CEP20: variants seen among roughly 807,000 people sequenced by gnomAD.
The protein encoded by CEP20 is FGFR1OP N-terminal like.
In CEP20, 18 loss-of-function variants were observed where a neutral mutation model predicts 20.0. The ratio of observed to expected loss-of-function variants is 0.90; its 90% CI spans 0.62 to 1.34. CEP20 has a LOEUF of 1.34. Ranked by LOEUF, CEP20 falls within the 40% of genes most tolerant of loss-of-function variation. The probability of loss-of-function intolerance (pLI) is 0.00; values close to 1 mark genes in which losing one functional copy is unlikely to be tolerated. For synonymous variants in CEP20, 77 were observed against 73.7 expected (o/e 1.04, Z -0.23); for missense variants, 215 against 201.6 (o/e 1.07, Z -0.40).
chr16:15,878,407 CA>C (rs1313779041), intron 3 of CEP20, among the ~76,000 whole-genome samples: 1 of 151,944 alleles, frequency 6.6e-6, no homozygotes, highest in Non-Finnish European at 1.5e-5. Context: ...GATCCTGGAA[CA>C]TTAATTTTAC....
intron 1 of CEP20, chr16:15,885,079 G>C (rs2045207527): frequency 6.6e-6 from 1 of 151,972 alleles, no homozygotes; most frequent in African/African-American, 2.4e-5. Context: ...GCTCAGGCGG[G>C]CGGATCACGA....
intron 3 of CEP20, among the ~76,000 whole-genome samples, chr16:15,876,327 T>C (rs1194793870): frequency 5.9e-5 from 9 of 151,816 alleles, no homozygotes; most frequent in Admixed American, 5.3e-4. Context: ...TACAAAAAAT[T>C]AGCCAGGCGT....
chr16:15,884,201 T>TA lies in CEP20; in HGVS notation c.32dup (p.Leu11PhefsTer21). On this transcript the variant is annotated frameshift_variant, in exon 2 of 5. Transcript: ENST00000255759. LOFTEE classifies it high-confidence loss of function. ...CCCCCTTTTTTTCCAAGGTGTCCTTTAAAACTGTTCGATATAAAATATTAA... is the reference window on the plus strand; with the variant it reads ...CCCCCTTTTTTTCCAAGGTGTCCTTTAAAAACTGTTCGATATAAAATATTAA... 1 of 1,602,802 alleles carries TA rather than the reference T, an allele frequency of 6.2e-7. No homozygotes were observed. The highest frequency in any genetic ancestry group is 8.5e-7 in the Non-Finnish European group (1 of 1,172,246).
At chr16:15,881,423 A>G (rs949535607) in intron 2 of CEP20, among the ~76,000 whole-genome samples, 7 of 152,222 alleles carry the variant, frequency 4.6e-5, no homozygotes, top group African/African-American at 1.4e-4. Flanking sequence ...AAAGATCCTT[A>G]AACCATAAAA....
At chr16:15,869,240 C>T (rs2044754949) in intron 4 of CEP20, among the ~76,000 whole-genome samples, 1 of 151,130 alleles carries the variant, frequency 6.6e-6, no homozygotes, top group Admixed American at 6.6e-5. Flanking sequence ...CATTTTTTTT[C>T]AGCACTGAAA....
chr16:15,867,422 G>T lies in CEP20; in HGVS notation c.*18C>A. 1 of 1,556,648 alleles carries T rather than the reference G, an allele frequency of 6.4e-7. No individual in the cohort carries two copies. The highest frequency in any genetic ancestry group is 8.7e-7 in the Non-Finnish European group (1 of 1,146,448). On this transcript the variant is annotated 3_prime_UTR_variant, in exon 5 of 5. Transcript: ENST00000255759. ...TTAATAATACAATTTTAAGACAAAA[G>T]ATACCCCAAACAAAGCATTATCTGT...
chr16:15,872,300 C>T (rs1029287842), intron 4 of CEP20, among the ~76,000 whole-genome samples: 3 of 150,038 alleles, frequency 2.0e-5, no homozygotes, highest in Non-Finnish European at 3.0e-5. Context: ...GGCGACAGAG[C>T]GAGACTCTGT....
At chr16:15,882,741 A>G (rs1567241600) in intron 2 of CEP20, among the ~76,000 whole-genome samples, 1 of 116,638 alleles carries the variant, frequency 8.6e-6, no homozygotes, top group African/African-American at 3.2e-5. Flanking sequence ...ATATCTATCT[A>G]TCTATCTATC....
At chr16:15,883,064 AG>A (rs1183858730) in intron 2 of CEP20, 1 of 150,086 alleles carries the variant, frequency 6.7e-6, no homozygotes, top group Non-Finnish European at 1.5e-5. Context: ...AAAAAAAGAA[AG>A]AAAAAAAAGA....
intron 1 of CEP20, 44 bp from the exon 2 acceptor site, chr16:15,884,249 T>C: frequency 6.4e-7 from 1 of 1,552,698 alleles, no homozygotes; most frequent in Non-Finnish European, 8.8e-7. Flanking sequence ...AGAGTAAATT[T>C]GTCATTCTTA....
chr16:15,874,859 T>G (rs1261838213), intron 3 of CEP20, among the ~76,000 whole-genome samples: 1 of 152,160 alleles, frequency 6.6e-6, no homozygotes, highest in African/African-American at 2.4e-5. Flanking sequence ...CTCCTTGCTT[T>G]CTCTCTTGGA....
At chr16:15,882,261 A>G (rs1287730276) in intron 2 of CEP20, among the ~76,000 whole-genome samples, 7 of 152,104 alleles carry the variant, frequency 4.6e-5, no homozygotes, top group Non-Finnish European at 8.8e-5. Flanking sequence ...CTTTTCTTCA[A>G]CCGGGTGCGG....
chr16:15,888,484 T>C, intron 1 of CEP20, 74 bp downstream of exon 1: 1 of 1,597,732 alleles, frequency 6.3e-7, no homozygotes, highest in Non-Finnish European at 8.6e-7. Flanking sequence ...CCGCGCGCTC[T>C]CCTCCCATCC....
Position 15,888,569 on chromosome 16 carries a change from T to G in CEP20, c.17A>C (p.Glu6Ala), listed in dbSNP as rs377297363. 1 of 1,614,126 alleles carries G rather than the reference T, an allele frequency of 6.2e-7. No individual in the cohort carries two copies. Among genetic ancestry groups the G allele is most frequent in the East Asian group, 2.2e-5 (1 of 44,862 alleles). ...CTGCTCGCACTCACCAGCCTTCAAC[T>G]CTGCCACAGTCGCCATTTTTCAACG... Reference protein sequence around the residue: MATVAELKAVLKDTLE... With the variant: MATVAALKAVLKDTLE... The change falls in exon 1 of 5, where the codon GAG becomes GCG. Residue 6 changes from glutamate (E) to alanine (A), a missense_variant. Physicochemically the swap from Glu to Ala is moderately radical, Grantham distance 107. Transcript: ENST00000255759.
intron 2 of CEP20, among the ~76,000 whole-genome samples, chr16:15,883,304 A>T (rs2045155882): frequency 6.6e-6 from 1 of 152,168 alleles, no homozygotes. Context: ...TGAAAGTTGC[A>T]ATAAGCCATG....
rs1456187043 is a variant in CEP20 at position 15,867,481 on chromosome 16, T to C, written c.484A>G (p.Asn162Asp). 2 of 1,605,344 alleles carry C rather than the reference T, an allele frequency of 1.2e-6. No homozygotes were observed. Among genetic ancestry groups the C allele is most frequent in the Non-Finnish European group, 1.7e-6 (2 of 1,174,376 alleles). ...HLRKEEQKST[N>D]IEDLHVSQAV... ...TGAGAAACATGAAGATCTTCAATGT[T>C]AGTACTTTTCTGTTCCTCCTTTCTT... Residue 162 changes from asparagine to aspartate, a missense_variant, in exon 5 of 5, where the codon AAC (asparagine) becomes GAC (aspartate). Physicochemically the swap from Asn to Asp is conservative, Grantham distance 23. Transcript: ENST00000255759.
intron 4 of CEP20, among the ~76,000 whole-genome samples, chr16:15,872,759 GTATTTTTATGTCTCAAAAAAATACA>G (rs59621188): frequency 0.072 from 10,194 of 141,282 alleles, 477 homozygotes; most frequent in East Asian, 0.21. Flanking sequence ...AAAAATTTAT[GTATTTTTATGTCTCAAAAAAATACA>G]TAAAAATTTA....
chr16:15,876,191 T>G (rs2044942880), intron 3 of CEP20, among the ~76,000 whole-genome samples: 1 of 150,742 alleles, frequency 6.6e-6, no homozygotes. Context: ...TTTTAAAGAA[T>G]TGAAGTCTTG....
At chr16:15,875,920 G>C (rs975228139) in intron 3 of CEP20, among the ~76,000 whole-genome samples, 6 of 151,804 alleles carry the variant, frequency 4.0e-5, no homozygotes, top group African/African-American at 1.5e-4. Context: ...CCAACATGGA[G>C]AAACCCCGTA....
Sources: allele counts gnomAD v4.1 joint callset (sites outside exome capture counted in the v4.1 genomes callset), GRCh38; gene constraint gnomAD v4.1.1; transcripts MANE v1.5; gene names NCBI Gene and HGNC (gene_info 2026-07-23, HGNC 2026-07-21).